NEGR1: variants seen among roughly 807,000 people sequenced by gnomAD.
NEGR1 encodes the protein neuronal growth regulator 1, also known as IgLON family member 4.
NEGR1 carries 10 observed loss-of-function variants against 40.9 expected under a neutral mutation model. The observed-to-expected ratio is 0.24, with a 90% confidence interval of 0.15 to 0.42. The LOEUF is 0.42. Ranked by LOEUF, NEGR1 falls within the 10% of genes least tolerant of loss-of-function variation. NEGR1 has a pLI of 1.00. For missense variants in NEGR1, 352 were observed against 438.9 expected, an observed-to-expected ratio of 0.80 and a Z score of 1.77; for synonymous variants, 185 against 166.8, an observed-to-expected ratio of 1.11 and a Z score of -0.84.
At chr1:72,239,712 T>A (rs1327599841) in intron 1 of NEGR1, among the ~76,000 whole-genome samples, 2 of 151,730 alleles carry the variant, frequency 1.3e-5, no homozygotes, top group Non-Finnish European at 2.9e-5. Flanking sequence ...CAGCTTTCCA[T>A]CATTTTGTGC....
At chr1:72,228,641 T>G (rs569374251) in intron 1 of NEGR1, among the ~76,000 whole-genome samples, 1 of 152,196 alleles carries the variant, frequency 6.6e-6, no homozygotes, top group African/African-American at 2.4e-5. Flanking sequence ...CTAAGTAAGA[T>G]ATACTAAGTG....
chr1:72,047,628 G>T (rs1647014477), intron 1 of NEGR1, among the ~76,000 whole-genome samples: 1 of 151,096 alleles, frequency 6.6e-6, no homozygotes, highest in African/African-American at 2.4e-5. Flanking sequence ...TTTTTGAAAG[G>T]TTGAGTTTGA....
chr1:71,868,376 T>C (rs1412893422), intron 2 of NEGR1, among the ~76,000 whole-genome samples: 1 of 151,960 alleles, frequency 6.6e-6, no homozygotes. Context: ...TAGAAAGAAA[T>C]AGCCATCTTA....
At chr1:71,580,624 A>C (rs902198949) in intron 6 of NEGR1, among the ~76,000 whole-genome samples, 1 of 152,146 alleles carries the variant, frequency 6.6e-6, no homozygotes, top group African/African-American at 2.4e-5. Context: ...AAAGTGAAGA[A>C]AATTATAGAA....
At chr1:71,688,684 T>C (rs910937049) in intron 4 of NEGR1, among the ~76,000 whole-genome samples, 27 of 151,944 alleles carry the variant, frequency 1.8e-4, no homozygotes, top group Non-Finnish European at 2.9e-5. Flanking sequence ...CTCGAACTCC[T>C]AACCTGAGGT....
At chr1:72,074,200 T>C (rs1647614243) in intron 1 of NEGR1, among the ~76,000 whole-genome samples, 2 of 152,142 alleles carry the variant, frequency 1.3e-5, no homozygotes, top group Admixed American at 6.6e-5. Flanking sequence ...CCAAAACTGA[T>C]AGAGGAAAAA....
intron 1 of NEGR1, among the ~76,000 whole-genome samples, chr1:71,964,914 A>G (rs1341341131): frequency 1.3e-5 from 2 of 152,112 alleles, no homozygotes; most frequent in Non-Finnish European, 2.9e-5. Flanking sequence ...CACTGGGTAC[A>G]GGTGGCACTG....
intron 2 of NEGR1, among the ~76,000 whole-genome samples, chr1:71,785,938 T>G (rs977951573): frequency 6.6e-6 from 1 of 152,200 alleles, no homozygotes; most frequent in Non-Finnish European, 1.5e-5. Flanking sequence ...AGCAGATTTT[T>G]ATATCTAAAA....
chr1:72,121,043 G>A (rs1305773308), intron 1 of NEGR1, among the ~76,000 whole-genome samples: 1 of 152,036 alleles, frequency 6.6e-6, no homozygotes, highest in African/African-American at 2.4e-5. Flanking sequence ...ATTTTGGGGT[G>A]TACAGAGGTT....
At chr1:71,763,746 AGTGTGTGTGTGT>A (rs55890627) in intron 3 of NEGR1, among the ~76,000 whole-genome samples, 1 of 149,968 alleles carries the variant, frequency 6.7e-6, no homozygotes, top group Non-Finnish European at 1.5e-5. Context: ...CATATTTAGG[AGTGTGTGTGTGT>A]GTGTGTGTGT....
At chr1:71,510,949 G>A (rs1647069023) in intron 6 of NEGR1, among the ~76,000 whole-genome samples, 1 of 152,206 alleles carries the variant, frequency 6.6e-6, no homozygotes, top group Non-Finnish European at 1.5e-5. Flanking sequence ...AGTTTTCTCA[G>A]GTTGTGAAAT....
chr1:72,251,867 C>A (rs780885485), intron 1 of NEGR1, among the ~76,000 whole-genome samples: 8 of 152,164 alleles, frequency 5.3e-5, no homozygotes, highest in South Asian at 2.1e-4. Context: ...CTACAGGGCA[C>A]ATTTTGGCCA....
At chr1:71,762,313 T>G (rs1284668025) in intron 3 of NEGR1, among the ~76,000 whole-genome samples, 1 of 151,304 alleles carries the variant, frequency 6.6e-6, no homozygotes, top group African/African-American at 2.4e-5. Flanking sequence ...ACTTAAGTCC[T>G]AATGAATCAA....
At chr1:71,906,994 TC>T (rs1194687192) in intron 2 of NEGR1, among the ~76,000 whole-genome samples, 1 of 152,158 alleles carries the variant, frequency 6.6e-6, no homozygotes, top group Admixed American at 6.6e-5. Flanking sequence ...ACTGGTTGAC[TC>T]CAATTAACCC....
chr1:71,457,868 A>AT (rs1297089865), intron 6 of NEGR1, among the ~76,000 whole-genome samples: 12 of 151,600 alleles, frequency 7.9e-5, no homozygotes, highest in South Asian at 6.3e-4. Context: ...CGCCCAGCTA[A>AT]TTTTTTTGTA....
intron 1 of NEGR1, among the ~76,000 whole-genome samples, chr1:72,028,232 T>C (rs1472533566): frequency 6.6e-6 from 1 of 152,084 alleles, no homozygotes; most frequent in Non-Finnish European, 1.5e-5. Context: ...AATCCATGCC[T>C]CATCATCTTT....
At chr1:72,029,469 CATT>C (rs1646839212) in intron 1 of NEGR1, among the ~76,000 whole-genome samples, 1 of 152,154 alleles carries the variant, frequency 6.6e-6, no homozygotes, top group Non-Finnish European at 1.5e-5. Flanking sequence ...CACTCTGGAT[CATT>C]AAGTATGACA....
chr1:71,800,379 T>C (rs1396361302), intron 2 of NEGR1, among the ~76,000 whole-genome samples: 1 of 152,200 alleles, frequency 6.6e-6, no homozygotes. Context: ...ATTTTGGCTT[T>C]TGTTGCCACT....
At chr1:72,042,802 T>A (rs1157440414) in intron 1 of NEGR1, among the ~76,000 whole-genome samples, 1 of 152,006 alleles carries the variant, frequency 6.6e-6, no homozygotes, top group Non-Finnish European at 1.5e-5. Flanking sequence ...GATTTCTGAC[T>A]AAATATTACC....
Sources: allele counts gnomAD v4.1 joint callset (sites outside exome capture counted in the v4.1 genomes callset), GRCh38; gene constraint gnomAD v4.1.1; transcripts MANE v1.5; gene names NCBI Gene and HGNC (gene_info 2026-07-23, HGNC 2026-07-21).